PKHD1L1: variants seen among roughly 807,000 people sequenced by gnomAD.
PKHD1L1 encodes PKHD1 like 1, also known as fibrocystin-L.
In PKHD1L1, 434 loss-of-function variants were observed where a neutral mutation model predicts 462.9. The observed-to-expected ratio is 0.94, with a 90% CI of 0.87 to 1.02. PKHD1L1 has a LOEUF of 1.02. PKHD1L1 is among the 50% of genes least tolerant of loss of function. The probability of loss-of-function intolerance (pLI) is 0.00; values close to 1 mark genes in which losing one functional copy is unlikely to be tolerated. For synonymous variants in PKHD1L1, 1,781 were observed against 1,750.0 expected (o/e 1.02, Z -0.44); for missense variants, 5,202 against 5,096.1 (o/e 1.02, Z -0.63).
rs1013386335 is a variant in PKHD1L1 at position 109,443,709 on chromosome 8, T to C, written c.4598T>C (p.Val1533Ala). The change falls in exon 37 of 78, where the codon GTG becomes GCG. Residue 1533 changes from valine (V) to alanine (A), a missense_variant. Physicochemically the swap from Val to Ala is moderately conservative, Grantham distance 64 (BLOSUM62 0). Transcript: ENST00000378402. Reference sequence around the variant, plus strand: ...GAGAATTTGCACTTGGGAAGCTCTGTGGCAGGCTGCCTAGCAACAGAACCC... The same window carrying C: ...GAGAATTTGCACTTGGGAAGCTCTGCGGCAGGCTGCCTAGCAACAGAACCC... ...GPENLHLGSS[V>A]AGCLATEPLC... 4 of 1,613,446 alleles carry C rather than the reference T, an allele frequency of 2.5e-6. No homozygotes were observed. In the East Asian group the frequency reaches 6.7e-5, roughly 27 times the overall value.
intron 48 of PKHD1L1, among the ~76,000 whole-genome samples, chr8:109,462,122 C>A (rs1817170781): frequency 6.6e-6 from 1 of 152,112 alleles, no homozygotes; most frequent in African/African-American, 2.4e-5. Context: ...GCATTTCTAT[C>A]TTCTCTACCC....
At chr8:109,395,844 A>G (rs944244274) in intron 10 of PKHD1L1, among the ~76,000 whole-genome samples, 183 bp from the exon 11 acceptor site, 3 of 152,178 alleles carry the variant, frequency 2.0e-5, no homozygotes, top group Non-Finnish European at 2.9e-5. Context: ...TGTCAATGCC[A>G]TGTCTATTGT....
chr8:109,422,934 AT>A, intron 23 of PKHD1L1, among the ~76,000 whole-genome samples: 1 of 152,090 alleles, frequency 6.6e-6, no homozygotes, highest in Middle Eastern at 3.4e-3. Context: ...ACGATGGTTC[AT>A]TTTCATTTTA....
chr8:109,418,490 CTT>C (rs1814299193), intron 21 of PKHD1L1, among the ~76,000 whole-genome samples: 1 of 152,098 alleles, frequency 6.6e-6, no homozygotes, highest in South Asian at 2.1e-4. Context: ...GTTACAAACT[CTT>C]ATAGCTTTAA....
At position 109,390,507 on chromosome 8, in the gene PKHD1L1, G is replaced by GT; in HGVS notation, c.740+14dup. ...ATGATTATGGAAGGTAGGCTATTTTGTAAATAATAACTTTTATAATTGATT... is the reference window on the plus strand; with the variant it reads ...ATGATTATGGAAGGTAGGCTATTTTGTTAAATAATAACTTTTATAATTGATT... On this transcript the variant is annotated intron_variant, in intron 9 of 77. Transcript: ENST00000378402. The GT allele has an allele frequency of 1.4e-6, 2 of 1,383,012 alleles. No homozygotes were observed. The highest frequency in any genetic ancestry group is 2.9e-5 in the South Asian group (2 of 68,856). The allele number at this position is 1,383,012 out of a possible 1,614,324, so 85.7% of individuals were successfully genotyped here.
chr8:109,453,596 G>A (rs977956082), intron 43 of PKHD1L1, among the ~76,000 whole-genome samples: 2 of 151,986 alleles, frequency 1.3e-5, no homozygotes, highest in African/African-American at 4.8e-5. Flanking sequence ...AAAAGTTTCA[G>A]GTTTTTGAAG....
At chr8:109,522,140 A>G (rs762320810) in intron 73 of PKHD1L1, 46 bp from the exon 74 acceptor site, 3 of 1,505,134 alleles carry the variant, frequency 2.0e-6, no homozygotes, top group East Asian at 2.3e-5. Flanking sequence ...TGTTCTCACA[A>G]TTCTATACTT....
At chr8:109,429,694 A>G (rs936823786) in intron 26 of PKHD1L1, among the ~76,000 whole-genome samples, 1 of 152,170 alleles carries the variant, frequency 6.6e-6, no homozygotes, top group African/African-American at 2.4e-5. Flanking sequence ...TTGAAAATAG[A>G]GGAATCTTTC....
At chr8:109,525,546 A>C (rs1297575955) in intron 76 of PKHD1L1, among the ~76,000 whole-genome samples, 1 of 152,156 alleles carries the variant, frequency 6.6e-6, no homozygotes, top group Non-Finnish European at 1.5e-5. Flanking sequence ...GCTGGCTAAG[A>C]TGGCTTGATT....
chr8:109,433,950 A>C (rs984590413), intron 28 of PKHD1L1, among the ~76,000 whole-genome samples: 2 of 152,222 alleles, frequency 1.3e-5, no homozygotes, highest in African/African-American at 4.8e-5. Context: ...GGATGAGTTC[A>C]TATCCTTTGC....
intron 59 of PKHD1L1, among the ~76,000 whole-genome samples, chr8:109,489,344 T>A (rs1402987311): frequency 6.6e-6 from 1 of 151,966 alleles, no homozygotes; most frequent in Non-Finnish European, 1.5e-5. Context: ...AAACCCCATA[T>A]TGCCTGTTAT....
intron 59 of PKHD1L1, 114 bp downstream of exon 59, chr8:109,486,935 G>T: frequency 1.8e-6 from 2 of 1,138,800 alleles, no homozygotes; most frequent in Non-Finnish European, 2.4e-6. Flanking sequence ...GGAAAATAAA[G>T]CATTAAAAGT....
At chr8:109,493,174 CAT>C (rs34668259) in intron 62 of PKHD1L1, among the ~76,000 whole-genome samples, 112 of 147,254 alleles carry the variant, frequency 7.6e-4, no homozygotes, top group Admixed American at 3.5e-3. Flanking sequence ...TCTCTCTCTC[CAT>C]ATATATATAT....
intron 75 of PKHD1L1, 21 bp from the exon 76 acceptor site, chr8:109,523,212 C>A: frequency 2.1e-6 from 3 of 1,460,716 alleles, no homozygotes; most frequent in African/African-American, 3.0e-5. Context: ...TTATAATTAT[C>A]TACTTTTTTT....
chr8:109,453,585 GA>G (rs1816659167), intron 43 of PKHD1L1, among the ~76,000 whole-genome samples: 1 of 152,106 alleles, frequency 6.6e-6, no homozygotes. Context: ...TGGGAAAATA[GA>G]AAAGTTTCAG....
intron 23 of PKHD1L1, among the ~76,000 whole-genome samples, chr8:109,423,886 C>T (rs7014589): frequency 0.3 from 45,150 of 152,026 alleles, 7,286 homozygotes; most frequent in Admixed American, 0.43. Context: ...GATTTATAAA[C>T]GTGTTTCATT....
chr8:109,410,918 G>C (rs1018374752), intron 19 of PKHD1L1, among the ~76,000 whole-genome samples: 1 of 150,886 alleles, frequency 6.6e-6, no homozygotes, highest in Non-Finnish European at 1.5e-5. Flanking sequence ...TAGTAGAGAC[G>C]GGGTTTCACA....
At chr8:109,383,136 T>A (rs1164179116) in intron 4 of PKHD1L1, among the ~76,000 whole-genome samples, 1 of 88,270 alleles carries the variant, frequency 1.1e-5, no homozygotes, top group Admixed American at 2.0e-4. Context: ...TTATATATAT[T>A]ATTGTATATA....
At chr8:109,515,544 T>C (rs996760579) in intron 72 of PKHD1L1, among the ~76,000 whole-genome samples, 12 of 152,160 alleles carry the variant, frequency 7.9e-5, no homozygotes, top group African/African-American at 2.9e-4. Context: ...TTGTTTATCA[T>C]GGACATTCTT....
Sources: allele counts gnomAD v4.1 joint callset (sites outside exome capture counted in the v4.1 genomes callset), GRCh38; gene constraint gnomAD v4.1.1; transcripts MANE v1.5; gene names NCBI Gene and HGNC (gene_info 2026-07-23, HGNC 2026-07-21).